Variants in PLA2G4E observed in about 807,000 individuals in gnomAD.
PLA2G4E encodes phospholipase A2 group IVE, also known as cytosolic phospholipase A2 epsilon.
A neutral mutation model predicts 109.1 loss-of-function variants in PLA2G4E; 84 were observed. The observed-to-expected ratio is 0.77, with a 90% CI of 0.65 to 0.92. The LOEUF is 0.92. PLA2G4E is among the 40% of genes least tolerant of loss of function. The probability of loss-of-function intolerance (pLI) is 0.00; values close to 1 mark genes in which losing one functional copy is unlikely to be tolerated. For synonymous variants in PLA2G4E, 469 were observed against 436.1 expected (o/e 1.08, Z -0.94); for missense variants, 1,057 against 1,076.6 (o/e 0.98, Z 0.25).
rs78973088 is a variant in PLA2G4E, at chr15:42,038,838, T to C, written c.183+11683A>G. Reference sequence around the variant, plus strand: ...GTTATGAGGGATATTATCACCAATTTTACTAGATATTACCAAAGTGTTCTC... The same window carrying C: ...GTTATGAGGGATATTATCACCAATTCTACTAGATATTACCAAAGTGTTCTC... On this transcript the variant is annotated intron_variant, in intron 1 of 19. Transcript: ENST00000399518. Among the ~76,000 whole-genome samples the C allele has an allele frequency of 4.2e-3, 638 of 152,312 alleles. 15 individuals are homozygous for C. The highest frequency in any genetic ancestry group is 0.026 in the Admixed American group (396 of 15,298).
intron 6 of PLA2G4E, among the ~76,000 whole-genome samples, chr15:42,002,450 T>G (rs997900790): frequency 1.3e-5 from 2 of 151,954 alleles, no homozygotes; most frequent in African/African-American, 2.4e-5. Flanking sequence ...CCCAGCTACC[T>G]CCTCCCTCTG....
chr15:42,013,329 C>T (rs1408213424), intron 2 of PLA2G4E, among the ~76,000 whole-genome samples: 5 of 152,138 alleles, frequency 3.3e-5, no homozygotes, highest in African/African-American at 4.8e-5. Context: ...AGGAGTGCTC[C>T]GTGTGGGCAA....
chr15:42,016,282 G>A (rs944387905), intron 1 of PLA2G4E, among the ~76,000 whole-genome samples: 17 of 114,196 alleles, frequency 1.5e-4, no homozygotes, highest in African/African-American at 5.9e-4. Context: ...GTCTCACTCT[G>A]TTGCCTTGGC....
At chr15:41,990,284 G>A (rs2068221713) in intron 13 of PLA2G4E, 49 bp from the exon 14 acceptor site, 2 of 1,524,070 alleles carry the variant, frequency 1.3e-6, no homozygotes, top group Non-Finnish European at 1.8e-6. Context: ...CAGAGGGTGA[G>A]GGAGGCAGTG....
exon 18 of PLA2G4E, chr15:41,985,892 G>C: frequency 9.3e-6 from 15 of 1,610,656 alleles, no homozygotes; most frequent in Non-Finnish European, 1.3e-5. Flanking sequence ...TCGGCTTTTC[G>C]CTCTGGCCTG....
intron 1 of PLA2G4E, among the ~76,000 whole-genome samples, chr15:42,049,461 T>A (rs1449510210): frequency 6.6e-6 from 1 of 152,170 alleles, no homozygotes; most frequent in East Asian, 1.9e-4. Flanking sequence ...ACATGAATGC[T>A]GGGGGACATA....
chr15:42,036,180 G>T (rs532473692), intron 1 of PLA2G4E, among the ~76,000 whole-genome samples: 4 of 152,186 alleles, frequency 2.6e-5, no homozygotes, highest in Non-Finnish European at 4.4e-5. Flanking sequence ...ATCACCGGCC[G>T]CAGCAGGGAG....
intron 2 of PLA2G4E, chr15:42,010,134 C>A (rs773358328): frequency 1.7e-5 from 8 of 464,134 alleles, no homozygotes; most frequent in Admixed American, 1.0e-4. Flanking sequence ...GAACACTGGC[C>A]CCCCCACCCC....
chr15:41,994,155 G>A (rs977644142), intron 12 of PLA2G4E, among the ~76,000 whole-genome samples: 1 of 152,158 alleles, frequency 6.6e-6, no homozygotes, highest in Non-Finnish European at 1.5e-5. Context: ...AAATTACTCT[G>A]TTTCTCCAGC....
At chr15:42,025,899 C>A (rs2068689612) in intron 1 of PLA2G4E, among the ~76,000 whole-genome samples, 1 of 152,038 alleles carries the variant, frequency 6.6e-6, no homozygotes, top group South Asian at 2.1e-4. Flanking sequence ...AATATCTAAC[C>A]ATTAAAATAA....
intron 1 of PLA2G4E, among the ~76,000 whole-genome samples, chr15:42,035,522 A>G (rs1409581196): frequency 6.6e-6 from 1 of 152,224 alleles, no homozygotes; most frequent in East Asian, 1.9e-4. Flanking sequence ...CAGTTGAAGG[A>G]AGGGAAAGGC....
chr15:42,024,882 T>C (rs1374154813), intron 1 of PLA2G4E, among the ~76,000 whole-genome samples: 1 of 152,008 alleles, frequency 6.6e-6, no homozygotes, highest in Admixed American at 6.6e-5. Context: ...AAAGGAAGTA[T>C]GTGAAATCAG....
intron 12 of PLA2G4E, 104 bp downstream of exon 12, chr15:41,995,256 T>G: frequency 7.0e-7 from 1 of 1,426,936 alleles, no homozygotes; most frequent in Non-Finnish European, 9.5e-7. Flanking sequence ...GCTTCAGGAG[T>G]CACTTTGTCT....
At chr15:42,021,113 G>A (rs1396232005) in intron 1 of PLA2G4E, among the ~76,000 whole-genome samples, 71 bp from the exon 1 acceptor site, 2 of 152,018 alleles carry the variant, frequency 1.3e-5, no homozygotes, top group Non-Finnish European at 2.9e-5. Context: ...CAGCTTGGCA[G>A]TAGCTGGGAT....
chr15:41,983,768 G>C, exon 20 of PLA2G4E: 6 of 1,594,102 alleles, frequency 3.8e-6, no homozygotes, highest in Non-Finnish European at 5.1e-6. Flanking sequence ...GAGGGACACT[G>C]GCCCTTCAGG....
intron 9 of PLA2G4E, 111 bp from the exon 10 acceptor site, chr15:41,999,672 C>T (rs149167451): frequency 1.7e-5 from 22 of 1,328,722 alleles, no homozygotes; most frequent in African/African-American, 1.0e-4. Context: ...CACACACAGG[C>T]GCTCCATCCC....
intron 4 of PLA2G4E, 49 bp downstream of exon 4, chr15:42,005,941 A>G (rs755071157): frequency 1.3e-6 from 2 of 1,594,452 alleles, no homozygotes; most frequent in Admixed American, 1.7e-5. Flanking sequence ...AGCAACAGCT[A>G]TGAGGTTATC....
chr15:42,034,899 G>A (rs1482443390), intron 1 of PLA2G4E, among the ~76,000 whole-genome samples: 1 of 152,190 alleles, frequency 6.6e-6, no homozygotes, highest in Non-Finnish European at 1.5e-5. Context: ...TTGCTTAAGC[G>A]TATTTGAAAT....
chr15:41,984,017 G>T, intron 19 of PLA2G4E, 43 bp from the exon 20 acceptor site: 1 of 1,530,076 alleles, frequency 6.5e-7, no homozygotes, highest in Non-Finnish European at 8.9e-7. Context: ...TGTCATGTTA[G>T]GTTGGAATGA....
Sources: gnomAD v4.1 joint callset for allele counts (sites outside exome capture counted in the v4.1 genomes callset) on GRCh38, gnomAD v4.1.1 for gene constraint, MANE v1.5 for transcripts, NCBI Gene and HGNC (gene_info 2026-07-23, HGNC 2026-07-21) for gene names.